The following HOMER2 variants were observed in gnomAD, a reference collection of about 807,000 sequenced individuals.
The protein encoded by HOMER2 is homer protein homolog 2.
A neutral mutation model predicts 47.0 loss-of-function variants in HOMER2; 27 were observed. The ratio of observed to expected loss-of-function variants is 0.57; its 90% CI spans 0.42 to 0.79. HOMER2 has a LOEUF of 0.79. Among genes scored for constraint, HOMER2 ranks in the 30% least tolerant of loss-of-function variants. The probability of loss-of-function intolerance (pLI) is 0.00; values close to 1 mark genes in which losing one functional copy is unlikely to be tolerated. For missense variants in HOMER2, 443 were observed against 435.0 expected, an observed-to-expected ratio of 1.02 and a Z score of -0.16; for synonymous variants, 161 against 163.8, an observed-to-expected ratio of 0.98 and a Z score of 0.13.
At chr15:82,878,978 C>G (rs923932648) in intron 2 of HOMER2, among the ~76,000 whole-genome samples, 8 of 152,178 alleles carry the variant, frequency 5.3e-5, no homozygotes, top group Non-Finnish European at 1.0e-4. Flanking sequence ...TCTTGGTACT[C>G]TCTGATTCTA....
chr15:82,927,315 GT>G (rs2053878259), intron 1 of HOMER2, among the ~76,000 whole-genome samples: 1 of 151,488 alleles, frequency 6.6e-6, no homozygotes, highest in Non-Finnish European at 1.5e-5. Flanking sequence ...TGTCTGTCTG[GT>G]TCATGGATAT....
At chr15:82,955,065 C>T (rs1287077266), upstream of HOMER2, among the ~76,000 whole-genome samples, 6 of 152,262 alleles carry the variant, frequency 3.9e-5, no homozygotes, top group South Asian at 2.1e-4. Context: ...CGTGTGCCAC[C>T]GTGCCCGGCC....
At chr15:82,948,651 A>T (rs2054435283) in intron 1 of HOMER2, among the ~76,000 whole-genome samples, 1 of 152,220 alleles carries the variant, frequency 6.6e-6, no homozygotes, top group African/African-American at 2.4e-5. Context: ...TGAAGGGGTG[A>T]CCCTGAGGCC....
chr15:82,971,886 A>C (rs1240800961), intron 1 of HOMER2, among the ~76,000 whole-genome samples: 1 of 152,182 alleles, frequency 6.6e-6, no homozygotes, highest in Admixed American at 6.5e-5. Flanking sequence ...ATGTCTGGAC[A>C]CTAAGATTTT....
At chr15:82,842,983 A>C (rs1374851442) in exon 2 of HOMER2, 1 of 152,084 alleles carries the variant, frequency 6.6e-6, no homozygotes, top group Non-Finnish European at 1.5e-5. Flanking sequence ...GTAACCTCAA[A>C]TGCCTGGACT....
intron 2 of HOMER2, among the ~76,000 whole-genome samples, chr15:82,890,804 T>C (rs1366158755): frequency 6.6e-6 from 1 of 152,088 alleles, no homozygotes; most frequent in Non-Finnish European, 1.5e-5. Flanking sequence ...GCAGAATCTA[T>C]AGATAAAAGA....
At chr15:82,848,502 G>C (rs1432624254), downstream of HOMER2, among the ~76,000 whole-genome samples, 1 of 152,220 alleles carries the variant, frequency 6.6e-6, no homozygotes, top group Non-Finnish European at 1.5e-5. Flanking sequence ...AGAGAGGAGA[G>C]GTTTATGGCT....
Position 82,851,423 on chromosome 15 carries a change from C to T in HOMER2, c.763-192G>A, listed in dbSNP as rs777778049. ...GTGAAGTGTGTCACACGCCTTGTCA[C>T]GTGAAGTCTGTACACACCACCACAA... is the stretch of plus-strand genomic sequence containing the variant. On this transcript the variant is annotated intron_variant, in intron 7 of 8. Coordinates refer to ENST00000450735, the MANE Select transcript of HOMER2 (RefSeq NM_004839.4). Among the ~76,000 whole-genome samples, 10 of 152,212 alleles carry T rather than the reference C, an allele frequency of 6.6e-5. No homozygotes were observed. In the East Asian group the frequency reaches 7.7e-4, roughly 12 times the overall value.
At chr15:82,854,315 G>T (rs563794877) in intron 6 of HOMER2, among the ~76,000 whole-genome samples, 1 of 152,170 alleles carries the variant, frequency 6.6e-6, no homozygotes, top group African/African-American at 2.4e-5. Flanking sequence ...TGAGGCAAGA[G>T]AATCACTTGA....
At chr15:82,931,536 TAAAA>T (rs1190584996) in intron 1 of HOMER2, among the ~76,000 whole-genome samples, 3 of 121,098 alleles carry the variant, frequency 2.5e-5, no homozygotes, top group African/African-American at 3.1e-5. Context: ...ATGCCTGCTT[TAAAA>T]AAAAAAAAAA....
In HOMER2 at chr15:82,976,669, T is replaced by C. The variant is rs541032278; in HGVS notation, n.82+9118A>G. On this transcript the variant is annotated intron_variant and non_coding_transcript_variant, in intron 1 of 1. Coordinates refer to the HOMER2 transcript ENST00000500334. ...AATTAGTACGATTAGATCTTAAGAT[T>C]TGTGTGTGGTTTTTTTTTTTTTTTT... Among the ~76,000 whole-genome samples, 3 of 133,938 alleles carry C rather than the reference T, an allele frequency of 2.2e-5. No individual in the cohort carries two copies. The East Asian group carries it at 6.7e-4, about 30-fold the overall frequency. The allele number at this position is 133,938 out of a possible 152,430, so 87.9% of individuals were successfully genotyped here. A position where few individuals can be genotyped will look rare whatever the true frequency, so the allele number is the denominator to read the frequency against.
At chr15:82,881,011 G>A in intron 2 of HOMER2, among the ~76,000 whole-genome samples, 1 of 152,200 alleles carries the variant, frequency 6.6e-6, no homozygotes, top group East Asian at 1.9e-4. Context: ...TTTACCCCTG[G>A]AGAGAGGGGA....
downstream of HOMER2, chr15:82,834,794 TC>T (rs1239817209): frequency 6.6e-6 from 1 of 152,272 alleles, no homozygotes; most frequent in African/African-American, 2.4e-5. Context: ...AGCAAAGTCT[TC>T]CGTGTCCGGG....
rs1339573541 is a variant in HOMER2, at chr15:82,952,713, C to G, written c.-178G>C. The G allele has an allele frequency of 2.8e-5, 28 of 982,510 alleles. No homozygotes were observed. The highest frequency in any genetic ancestry group is 4.7e-5 in the South Asian group (1 of 21,448). The allele number at this position is 982,510 out of a possible 1,614,324, so 60.9% of individuals were successfully genotyped here. ...ACTGCTGCCACTGCCGCCACCGCCG[C>G]CAGGCGCGGGCGGGCGGGGGCTGGG... On this transcript the variant is annotated 5_prime_UTR_variant, in exon 1 of 9. Coordinates refer to ENST00000450735, the MANE Select transcript of HOMER2 (RefSeq NM_004839.4).
chr15:82,979,200 A>G (rs1728403080), intron 1 of HOMER2, among the ~76,000 whole-genome samples: 1 of 152,204 alleles, frequency 6.6e-6, no homozygotes, highest in Non-Finnish European at 1.5e-5. Flanking sequence ...TAAATTACCT[A>G]GTCTTGGGTA....
chr15:82,853,521 C>T (rs951246629), intron 6 of HOMER2, among the ~76,000 whole-genome samples: 1 of 152,090 alleles, frequency 6.6e-6, no homozygotes, highest in African/African-American at 2.4e-5. Context: ...CCCTCCAGGT[C>T]GGGCAGGGCA....
At chr15:82,917,754 A>G (rs1427148002) in intron 1 of HOMER2, among the ~76,000 whole-genome samples, 1 of 152,160 alleles carries the variant, frequency 6.6e-6, no homozygotes, top group East Asian at 1.9e-4. Flanking sequence ...AGCCTTTCAT[A>G]TGCTGCAGGC....
intron 3 of HOMER2, among the ~76,000 whole-genome samples, chr15:82,866,914 C>T (rs2051987086): frequency 6.6e-6 from 1 of 152,100 alleles, no homozygotes; most frequent in Admixed American, 6.5e-5. Context: ...CTAATATACC[C>T]TATCAGATAC....
rs1256452 is a variant in HOMER2 at position 82,874,954 on chromosome 15, A to G, written c.294+319T>C. On this transcript the variant is annotated intron_variant, in intron 3 of 8. Transcript: ENST00000450735. ...TGGATCTGGTTTTGGCACACAAGCC[A>G]GCGCTCAGTCTGTGCGCTGATACCA... 0.83 allele frequency among the ~76,000 whole-genome samples: 125,603 copies of G among 152,142 alleles called. 52,172 individuals are homozygous for G. Among genetic ancestry groups the G allele is most frequent in the African/African-American group, 0.92 (38,289 of 41,524 alleles).
Sources: gnomAD v4.1 joint callset for allele counts (sites outside exome capture counted in the v4.1 genomes callset) on GRCh38, gnomAD v4.1.1 for gene constraint, MANE v1.5 for transcripts, NCBI Gene and HGNC (gene_info 2026-07-23, HGNC 2026-07-21) for gene names.